The following CENPP variants were observed in gnomAD, a reference collection of about 807,000 sequenced individuals.
CENPP encodes the protein centromere protein P.
CENPP carries 24 observed loss-of-function variants against 35.6 expected under a neutral mutation model. The ratio of observed to expected loss-of-function variants is 0.67; its 90% CI spans 0.49 to 0.95. The LOEUF (loss-of-function observed/expected upper bound fraction) is 0.95. CENPP is among the 40% of genes least tolerant of loss of function. CENPP has a pLI of 0.00. For synonymous variants in CENPP, 120 were observed against 125.5 expected (o/e 0.96, Z 0.29); for missense variants, 332 against 345.3 (o/e 0.96, Z 0.31).
At chr9:92,381,767 A>G (rs948452779) in intron 5 of CENPP, among the ~76,000 whole-genome samples, 1 of 152,200 alleles carries the variant, frequency 6.6e-6, no homozygotes, top group Non-Finnish European at 1.5e-5. Context: ...TTGCTGGATC[A>G]TATGGTAATT....
At chr9:92,533,428 G>A (rs1588247282) in intron 5 of CENPP, among the ~76,000 whole-genome samples, 1 of 126,246 alleles carries the variant, frequency 7.9e-6, no homozygotes, top group Non-Finnish European at 1.6e-5. Flanking sequence ...TTGTTTGTTT[G>A]TTTCTCTCTG....
At chr9:92,514,866 C>T (rs1360211047) in intron 5 of CENPP, 14 of 1,599,872 alleles carry the variant, frequency 8.8e-6, no homozygotes, top group African/African-American at 1.3e-5. Context: ...CCTCCTCATC[C>T]TCCTCCTCCT....
chr9:92,512,665 A>G (rs993546848), intron 5 of CENPP, among the ~76,000 whole-genome samples: 2 of 152,182 alleles, frequency 1.3e-5, no homozygotes, highest in Admixed American at 1.3e-4. Flanking sequence ...TTCAATCTAC[A>G]AAGGTTCCTG....
chr9:92,600,568 C>G, intron 5 of CENPP: 1 of 1,610,026 alleles, frequency 6.2e-7, no homozygotes, highest in Non-Finnish European at 8.5e-7. Flanking sequence ...ATGTTTGGCA[C>G]AAGCCCTTGC....
At chr9:92,583,502 G>A (rs1028407845) in intron 5 of CENPP, among the ~76,000 whole-genome samples, 2 of 152,142 alleles carry the variant, frequency 1.3e-5, no homozygotes, top group Non-Finnish European at 2.9e-5. Flanking sequence ...CAGGAATCTT[G>A]TAGGTTTTAA....
At chr9:92,449,808 G>A (rs1293904893) in intron 5 of CENPP, among the ~76,000 whole-genome samples, 1 of 152,066 alleles carries the variant, frequency 6.6e-6, no homozygotes, top group Non-Finnish European at 1.5e-5. Context: ...GCCATCATTG[G>A]ATGCTTCCTG....
rs184444387 is a variant in CENPP at position 92,554,776 on chromosome 9, T to G, written c.565-56538T>G. On this transcript the variant is annotated intron_variant, in intron 5 of 7. Coordinates refer to ENST00000375587, the MANE Select transcript of CENPP (RefSeq NM_001012267.3). The stretch of plus-strand genomic sequence containing the variant: ...CCTCAGCCTCCCAAATAGCTGAGAC[T>G]ACAGGCGCCTGCCACTGCGCCCGGC... Among the ~76,000 whole-genome samples the G allele has an allele frequency of 5.9e-5, 9 of 152,272 alleles. No individual in the cohort carries two copies. In the East Asian group the frequency reaches 1.7e-3, roughly 29 times the overall value.
intron 5 of CENPP, among the ~76,000 whole-genome samples, chr9:92,425,078 T>A (rs1205001945): frequency 1.3e-5 from 2 of 152,228 alleles, no homozygotes; most frequent in Non-Finnish European, 2.9e-5. Context: ...ACATAACATT[T>A]CGCATTGTTT....
Position 92,605,800 on chromosome 9 carries a change from T to C in CENPP, c.565-5514T>C, listed in dbSNP as rs1490112435. ...AGAAAGCAAAAAGAAAAAACTTAAA[T>C]TGGATTTCATCAAAATGAAAAACTT... On this transcript the variant is annotated intron_variant, in intron 5 of 7. Transcript: ENST00000375587. 3.9e-5 allele frequency among the ~76,000 whole-genome samples: 6 copies of C among 152,148 alleles called. No homozygotes were observed. The East Asian group carries it at 7.7e-4, about 20-fold the overall frequency.
At chr9:92,585,735 G>A (rs778143486) in intron 5 of CENPP, among the ~76,000 whole-genome samples, 53 of 152,152 alleles carry the variant, frequency 3.5e-4, no homozygotes, top group Admixed American at 2.7e-3. Flanking sequence ...CACTTGCAAC[G>A]ACTGGGCAAG....
intron 5 of CENPP, among the ~76,000 whole-genome samples, chr9:92,557,018 T>TGGCTTAGTAGTGGC (rs1473291048): frequency 6.6e-6 from 1 of 152,242 alleles, no homozygotes; most frequent in Non-Finnish European, 1.5e-5. Context: ...CTTGTAGTGG[T>TGGCTTAGTAGTGGC]GGCTTAGTAG....
At chr9:92,415,969 C>T (rs1305116627) in intron 5 of CENPP, among the ~76,000 whole-genome samples, 1 of 137,694 alleles carries the variant, frequency 7.3e-6, no homozygotes, top group Admixed American at 7.5e-5. Flanking sequence ...TATAAATTGT[C>T]AGTTATATAT....
At chr9:92,512,929 T>C (rs1274668702) in intron 5 of CENPP, among the ~76,000 whole-genome samples, 11 of 152,280 alleles carry the variant, frequency 7.2e-5, no homozygotes, top group African/African-American at 2.4e-4. Flanking sequence ...TTCCTGAGCA[T>C]GAGAGGAGTT....
At chr9:92,603,212 G>T (rs1383994275) in intron 5 of CENPP, among the ~76,000 whole-genome samples, 1 of 152,222 alleles carries the variant, frequency 6.6e-6, no homozygotes, top group Non-Finnish European at 1.5e-5. Context: ...CCCAGGCAGG[G>T]CAGTTGTGCA....
intron 5 of CENPP, among the ~76,000 whole-genome samples, chr9:92,445,455 A>G (rs1199658863): frequency 6.6e-6 from 1 of 152,104 alleles, no homozygotes; most frequent in African/African-American, 2.4e-5. Context: ...GACTGCATCT[A>G]GTTGTCCACC....
intron 5 of CENPP, chr9:92,415,124 C>A: frequency 6.6e-7 from 1 of 1,524,102 alleles, no homozygotes; most frequent in South Asian, 1.3e-5. Context: ...TTTGTGAAGT[C>A]GTAAGTGTAT....
In CENPP at chr9:92,619,987, A is replaced by T. The variant is rs1452435142; in HGVS notation, c.*6838A>T. ...AAGGAGAGCGCAGGGGGTGTTCAGCAAGGCATCGCTTAGAACGACATTCCC... is the reference window on the plus strand; with the variant it reads ...AAGGAGAGCGCAGGGGGTGTTCAGCTAGGCATCGCTTAGAACGACATTCCC... On this transcript the variant is annotated 3_prime_UTR_variant, in exon 8 of 8. Transcript: ENST00000375587. 2.0e-5 allele frequency: 4 copies of T among 195,952 alleles called. No individual in the cohort carries two copies. The highest frequency in any genetic ancestry group is 4.4e-5 in the Non-Finnish European group (4 of 91,376). 12.1% of individuals were successfully genotyped at this position (195,952 alleles called of 1,614,324 possible). A position where few individuals can be genotyped will look rare whatever the true frequency, so the allele number is the denominator to read the frequency against.
intron 5 of CENPP, chr9:92,384,222 TG>T (rs1401949500): frequency 6.6e-6 from 1 of 152,180 alleles, no homozygotes; most frequent in Admixed American, 6.5e-5. Flanking sequence ...AGATCTCAGA[TG>T]CTTTAATGAA....
chr9:92,411,006 G>T (rs1284858149), intron 5 of CENPP, among the ~76,000 whole-genome samples: 2 of 151,654 alleles, frequency 1.3e-5, no homozygotes, highest in African/African-American at 4.9e-5. Context: ...ACAGAGTCTC[G>T]CTCTGTCTCC....
Sources: allele counts gnomAD v4.1 joint callset (sites outside exome capture counted in the v4.1 genomes callset), GRCh38; gene constraint gnomAD v4.1.1; transcripts MANE v1.5; gene names NCBI Gene and HGNC (gene_info 2026-07-23, HGNC 2026-07-21).